The following FAM163B variants were observed in gnomAD, a reference collection of about 807,000 sequenced individuals.
The protein encoded by FAM163B is family with sequence similarity 163 member B.
A neutral mutation model predicts 7.6 loss-of-function variants in FAM163B; 4 were observed. The ratio of observed to expected loss-of-function variants is 0.52; its 90% CI spans 0.26 to 1.20. The LOEUF (loss-of-function observed/expected upper bound fraction) is 1.20, where lower values mean the gene tolerates loss of function less well. FAM163B is among the 50% of genes most tolerant of loss of function. FAM163B has a pLI of 0.14. For synonymous variants in FAM163B, 120 were observed against 111.6 expected, an observed-to-expected ratio of 1.07 and a Z score of -0.47; for missense variants, 250 against 243.0, an observed-to-expected ratio of 1.03 and a Z score of -0.19.
At chr9:133,590,865 A>G (rs1489023589) in intron 1 of FAM163B, among the ~76,000 whole-genome samples, 2 of 152,216 alleles carry the variant, frequency 1.3e-5, no homozygotes, top group Non-Finnish European at 2.9e-5. Context: ...CGGTCAGGAC[A>G]TGGGACACAT....
intron 1 of FAM163B, among the ~76,000 whole-genome samples, chr9:133,588,710 C>CACGTTA (rs1831490255): frequency 2.3e-4 from 1 of 4,318 alleles, no homozygotes; most frequent in African/African-American, 9.9e-4. Flanking sequence ...AGGGATCTAG[C>CACGTTA]ATGCTGCTGA....
chr9:133,580,003 T>C, intron 2 of FAM163B, 128 bp downstream of exon 2: 1 of 745,362 alleles, frequency 1.3e-6, no homozygotes, highest in Non-Finnish European at 2.2e-6. Context: ...GTGTGTCTTC[T>C]CTGCCACAGG....
At position 133,579,279 on chromosome 9, in the gene FAM163B, G is replaced by C; in HGVS notation, c.244C>G (p.Gln82Glu). The change falls in exon 3 of 3, where the codon CAG becomes GAG. Residue 82 changes from glutamine (Q) to glutamate (E), a missense_variant. By Grantham distance (29) the Gln-to-Glu change is conservative. Coordinates refer to ENST00000673969, the MANE Select transcript of FAM163B (RefSeq NM_001080515.3). Reference sequence around the variant, plus strand: ...AGGGCGCGGGCCTGCGGGGACTTCTGGCTGAAGGAGGTGGAGGCGGTGGGG... The same window carrying C: ...AGGGCGCGGGCCTGCGGGGACTTCTCGCTGAAGGAGGTGGAGGCGGTGGGG... Reference protein sequence around the residue: ...LYPTASTSFSQKSPQARALCR... With the variant: ...LYPTASTSFSEKSPQARALCR... 1 of 1,613,162 alleles carries C rather than the reference G, an allele frequency of 6.2e-7. No individual in the cohort carries two copies. The highest frequency in any genetic ancestry group is 8.5e-7 in the Non-Finnish European group (1 of 1,179,888).
Position 133,579,364 on chromosome 9 carries a change from C to T in FAM163B, c.159G>A (p.Ser53=), listed in dbSNP as rs1478616930. ...GGTTGGAGTGCAGCGGGGGCAGGTG[C>T]GAGTGAACGGCGAAGTCTGGTTCCT... ...DEEEPDFAVH[S]HLPPLHSNRN... Residue 53 remains serine, a synonymous_variant, in exon 3 of 3, where the codon TCG becomes TCA. Transcript: ENST00000673969. 6 of 1,612,384 alleles carry T rather than the reference C, an allele frequency of 3.7e-6. No homozygotes were observed. Among genetic ancestry groups the T allele is most frequent in the African/African-American group, 1.3e-5 (1 of 74,910 alleles).
At chr9:133,585,464 C>T (rs1420077771) in intron 1 of FAM163B, among the ~76,000 whole-genome samples, 2 of 152,252 alleles carry the variant, frequency 1.3e-5, no homozygotes, top group African/African-American at 2.4e-5. Flanking sequence ...TTATTTTGTG[C>T]CCCAGCCCCA....
Position 133,607,549 on chromosome 9 carries a change from G to A in FAM163B, c.-24+1528C>T, listed in dbSNP as rs1239620752. 2.0e-5 allele frequency among the ~76,000 whole-genome samples: 3 copies of A among 152,222 alleles called. No homozygotes were observed. In the East Asian group the frequency reaches 5.8e-4, roughly 29 times the overall value. ...GAGCTCCCACTCCCTCCCCATGCAAGTGGGGCACTGAGGCTGGGAGAGCCT... is the reference window on the plus strand; with the variant it reads ...GAGCTCCCACTCCCTCCCCATGCAAATGGGGCACTGAGGCTGGGAGAGCCT... On this transcript the variant is annotated intron_variant, in intron 1 of 2. Transcript: ENST00000673969.
chr9:133,582,798 C>T (rs917944020), intron 1 of FAM163B, among the ~76,000 whole-genome samples: 42 of 152,320 alleles, frequency 2.8e-4, no homozygotes, highest in Non-Finnish European at 5.0e-4. Flanking sequence ...CCCTGCTGGT[C>T]GCTTGACCTT....
chr9:133,599,544 TTGAG>T (rs1460846743), intron 1 of FAM163B, among the ~76,000 whole-genome samples: 2 of 151,868 alleles, frequency 1.3e-5, no homozygotes, highest in South Asian at 2.1e-4. Context: ...TGTGCATGTG[TTGAG>T]TGTGTGCATG....
chr9:133,584,065 C>T (rs1287773860), intron 1 of FAM163B, among the ~76,000 whole-genome samples: 1 of 151,990 alleles, frequency 6.6e-6, no homozygotes, highest in Non-Finnish European at 1.5e-5. Flanking sequence ...CCCGGACCTA[C>T]CACGCCATCA....
intron 2 of FAM163B, among the ~76,000 whole-genome samples, chr9:133,579,792 C>T (rs989424654): frequency 9.2e-5 from 14 of 152,240 alleles, no homozygotes; most frequent in Non-Finnish European, 1.8e-4. Flanking sequence ...GATGGCTCCC[C>T]CTCATCTCTC....
chr9:133,590,047 C>T (rs1831514468), intron 1 of FAM163B, among the ~76,000 whole-genome samples: 1 of 40,946 alleles, frequency 2.4e-5, no homozygotes, highest in South Asian at 1.6e-3. Context: ...GTTCCCTTCC[C>T]TTCCCTTCCC....
intron 1 of FAM163B, among the ~76,000 whole-genome samples, chr9:133,593,015 CCT>C (rs1160730792): frequency 3.3e-5 from 5 of 152,220 alleles, no homozygotes; most frequent in Admixed American, 3.3e-4. Flanking sequence ...AGGCCGAGGC[CCT>C]CTGAGTTAGG....
chr9:133,590,524 G>A (rs914817999), intron 1 of FAM163B, among the ~76,000 whole-genome samples: 1 of 152,204 alleles, frequency 6.6e-6, no homozygotes, highest in African/African-American at 2.4e-5. Context: ...CACAAAGAGG[G>A]AGGAAGCACA....
intron 1 of FAM163B, among the ~76,000 whole-genome samples, chr9:133,595,863 G>A (rs1831624602): frequency 6.6e-6 from 1 of 152,182 alleles, no homozygotes; most frequent in Non-Finnish European, 1.5e-5. Context: ...TGAGGACAGG[G>A]GCTCGGTCTC....
chr9:133,603,334 C>G (rs539963337), intron 1 of FAM163B, among the ~76,000 whole-genome samples: 7 of 152,160 alleles, frequency 4.6e-5, no homozygotes, highest in Non-Finnish European at 1.0e-4. Flanking sequence ...GGCCTCAGAT[C>G]GCTCTTGGCA....
Position 133,579,394 on chromosome 9 carries a change from GTCC to G in FAM163B, c.126_128del (p.Glu42del). ...GAACGGCGAAGTCTGGTTCCTCCTCGTCCTCCTCCGACTCGTCCTTCTTGCAGC... is the reference window on the plus strand; with the variant it reads ...GAACGGCGAAGTCTGGTTCCTCCTCGTCCTCCGACTCGTCCTTCTTGCAGC... On this transcript the variant is annotated inframe_deletion, in exon 3 of 3. Coordinates refer to ENST00000673969, the MANE Select transcript of FAM163B (RefSeq NM_001080515.3). 1.2e-6 allele frequency: 2 copies of G among 1,609,054 alleles called. No homozygotes were observed. The highest frequency in any genetic ancestry group is 1.7e-6 in the Non-Finnish European group (2 of 1,178,342).
intron 2 of FAM163B, 29 bp downstream of exon 2, chr9:133,580,102 C>T (rs1242174946): frequency 6.3e-7 from 1 of 1,596,332 alleles, no homozygotes; most frequent in African/African-American, 1.3e-5. Flanking sequence ...CCTCCCTGCC[C>T]TGTCCCCTTC....
chr9:133,603,542 C>T (rs1028691237), intron 1 of FAM163B, among the ~76,000 whole-genome samples: 1 of 152,190 alleles, frequency 6.6e-6, no homozygotes, highest in Non-Finnish European at 1.5e-5. Context: ...CTCTCCCACC[C>T]GCAAAGGGAG....
In FAM163B at chr9:133,609,264, C is replaced by G. The variant is rs928878834; in HGVS notation, c.-211G>C. On this transcript the variant is annotated 5_prime_UTR_variant, in exon 1 of 3. Coordinates refer to ENST00000673969, the MANE Select transcript of FAM163B (RefSeq NM_001080515.3). ...GAAGCCCGGGAGGCCCCCGGGGAGG[C>G]GACTGCGTGCCCAGGCGGGCACCCC... Among the ~76,000 whole-genome samples the G allele has an allele frequency of 1.3e-4, 20 of 150,676 alleles. No homozygotes were observed. The highest frequency in any genetic ancestry group is 4.8e-4 in the African/African-American group (20 of 41,372).
Sources: gnomAD v4.1 joint callset for allele counts (sites outside exome capture counted in the v4.1 genomes callset) on GRCh38, gnomAD v4.1.1 for gene constraint, MANE v1.5 for transcripts, NCBI Gene and HGNC (gene_info 2026-07-23, HGNC 2026-07-21) for gene names.